The following BCAS3 variants were observed in gnomAD, a reference collection of about 807,000 sequenced individuals.
BCAS3 encodes the protein BCAS3 microtubule associated cell migration factor.
A neutral mutation model predicts 116.1 loss-of-function variants in BCAS3; 53 were observed. The ratio of observed to expected loss-of-function variants is 0.46; its 90% confidence interval spans 0.37 to 0.57. The LOEUF is 0.57. BCAS3 is among the 20% of genes least tolerant of loss of function. BCAS3 has a pLI of 0.00. For missense variants in BCAS3, 917 were observed against 1,165.4 expected, an observed-to-expected ratio of 0.79 and a Z score of 3.10; for synonymous variants, 391 against 408.2, an observed-to-expected ratio of 0.96 and a Z score of 0.51.
chr17:61,315,019 G>A lies in BCAS3; in HGVS notation c.2426-53308G>A, dbSNP rs1047495406. Among the ~76,000 whole-genome samples, 2 of 152,094 alleles carry A rather than the reference G, an allele frequency of 1.3e-5. No homozygotes were observed. Among genetic ancestry groups the A allele is most frequent in the Non-Finnish European group, 2.9e-5 (2 of 68,022 alleles). Reference sequence around the variant, plus strand: ...TGTTGGAACTCCTCTTCACCCATCCGAGGAACAGTGTGCCTGGAAAATGCC... The same window carrying A: ...TGTTGGAACTCCTCTTCACCCATCCAAGGAACAGTGTGCCTGGAAAATGCC... On this transcript the variant is annotated intron_variant, in intron 22 of 23. Transcript: ENST00000407086. This position sits in a 1 kb window ranked among gnomAD's most constrained non-coding sequence, Gnocchi z 5.3.
intron 22 of BCAS3, among the ~76,000 whole-genome samples, chr17:61,287,755 CCAA>C (rs1287563792): frequency 6.6e-6 from 1 of 151,946 alleles, no homozygotes; most frequent in Non-Finnish European, 1.5e-5. Flanking sequence ...AAAAAAAACA[CCAA>C]CAAGCCAAAA....
In BCAS3 at chr17:61,222,540, A is replaced by C. The variant is rs1411948846; in HGVS notation, c.2425+137976A>C. 2.6e-5 allele frequency among the ~76,000 whole-genome samples: 4 copies of C among 152,064 alleles called. No individual in the cohort carries two copies. The East Asian group carries it at 7.7e-4, about 29-fold the overall frequency. ...TGCCTGAGGTACAGATGTTTCGTGG[A>C]TCTCCCCTGGTACATTTTTCTGTGA... On this transcript the variant is annotated intron_variant, in intron 22 of 23. Coordinates refer to ENST00000407086, the MANE Select transcript of BCAS3 (RefSeq NM_017679.5). This position sits in a 1 kb window ranked among gnomAD's most constrained non-coding sequence, Gnocchi z 6.1.
intron 22 of BCAS3, among the ~76,000 whole-genome samples, chr17:61,342,442 A>G (rs2057228743): frequency 6.6e-6 from 1 of 152,202 alleles, no homozygotes; most frequent in African/African-American, 2.4e-5. Flanking sequence ...CACCGTGCCC[A>G]GCCTAGGGCC....
chr17:61,336,828 T>C (rs1019529397), intron 22 of BCAS3, among the ~76,000 whole-genome samples: 1 of 152,176 alleles, frequency 6.6e-6, no homozygotes, highest in African/African-American at 2.4e-5. Flanking sequence ...CTTTATCCTT[T>C]CTGGCCAGGC....
At chr17:61,049,730 C>CTTTTTTTTT (rs1027378849) in intron 19 of BCAS3, among the ~76,000 whole-genome samples, 17 of 120,818 alleles carry the variant, frequency 1.4e-4, no homozygotes, top group East Asian at 2.3e-4. Context: ...CTTTTCTTTT[C>CTTTTTTTTT]TTTTTTTTTT....
At position 61,080,794 on chromosome 17, in the gene BCAS3, C is replaced by T. The variant is rs551138124; in HGVS notation, c.2327+2265C>T. Among the ~76,000 whole-genome samples, 8 of 152,172 alleles carry T rather than the reference C, an allele frequency of 5.3e-5. No individual in the cohort carries two copies. In the South Asian group the frequency reaches 1.2e-3, roughly 24 times the overall value. On this transcript the variant is annotated intron_variant, in intron 21 of 23. Transcript: ENST00000407086. The stretch of plus-strand genomic sequence containing the variant: ...AACAAACCAACACACAAAAAAAGAA[C>T]GATTCATCAAGAAGAATGTATCTTC...
At chr17:60,871,369 T>C (rs529308375) in intron 8 of BCAS3, among the ~76,000 whole-genome samples, 1 of 152,202 alleles carries the variant, frequency 6.6e-6, no homozygotes, top group South Asian at 2.1e-4. Context: ...AAGGTCCCAC[T>C]GTGTTGTCCA....
chr17:61,350,418 A>AAATG lies in BCAS3; in HGVS notation c.2426-17906_2426-17905insGAAT, dbSNP rs768141430. On this transcript the variant is annotated intron_variant, in intron 22 of 23. Coordinates refer to ENST00000407086, the MANE Select transcript of BCAS3 (RefSeq NM_017679.5). The stretch of plus-strand genomic sequence containing the variant: ...CGACAGAGCGAGACTCTGTCTCAAT[A>AAATG]AATAAATAAATAAATAAATAAATAA... Among the ~76,000 whole-genome samples the AAATG allele has an allele frequency of 4.7e-3, 664 of 142,372 alleles. 6 individuals are homozygous for AAATG. The highest frequency in any genetic ancestry group is 7.1e-3 in the Middle Eastern group (2 of 280). 93.4% of individuals were successfully genotyped at this position (142,372 alleles called of 152,430 possible). A position where few individuals can be genotyped will look rare whatever the true frequency, so the allele number is the denominator to read the frequency against.
chr17:60,950,603 T>G (rs948774943), intron 14 of BCAS3, among the ~76,000 whole-genome samples: 2 of 152,252 alleles, frequency 1.3e-5, no homozygotes, highest in African/African-American at 4.8e-5. Flanking sequence ...CATATTGCCT[T>G]GTAACTAATT....
intron 3 of BCAS3, among the ~76,000 whole-genome samples, chr17:60,686,990 A>G (rs1037496909): frequency 2.0e-5 from 3 of 152,216 alleles, no homozygotes; most frequent in African/African-American, 7.2e-5. Context: ...ATAATTTGCT[A>G]TAAATAAAAA....
chr17:60,786,106 G>A (rs1029462603), intron 6 of BCAS3, among the ~76,000 whole-genome samples: 1 of 152,154 alleles, frequency 6.6e-6, no homozygotes, highest in Non-Finnish European at 1.5e-5. Context: ...GATACCAAGA[G>A]ACAACTGTTT....
Position 60,990,557 on chromosome 17 carries a change from A to C in BCAS3, c.1486+322A>C, listed in dbSNP as rs373414898. Among the ~76,000 whole-genome samples the C allele has an allele frequency of 6.6e-6, 1 of 152,064 alleles. No individual in the cohort carries two copies. The highest frequency in any genetic ancestry group is 2.4e-5 in the African/African-American group (1 of 41,406). The stretch of plus-strand genomic sequence containing the variant: ...TTACTTATCTCTTCCAGAACATTCT[A>C]TGTTCAATGGGACACTATAGTTTAT... On this transcript the variant is annotated intron_variant, in intron 15 of 23. Coordinates refer to ENST00000407086, the MANE Select transcript of BCAS3 (RefSeq NM_017679.5). The surrounding 1 kb of genome is among the most constrained non-coding windows in gnomAD (Gnocchi z 5.1).
intron 22 of BCAS3, among the ~76,000 whole-genome samples, chr17:61,206,375 T>G (rs748720462): frequency 6.6e-6 from 1 of 152,200 alleles, no homozygotes; most frequent in Non-Finnish European, 1.5e-5. Context: ...GTCACTTTCT[T>G]TATATTTTAA....
At position 60,874,663 on chromosome 17, in the gene BCAS3, A is replaced by G; in HGVS notation, c.586A>G (p.Ile196Val). Residue 196 changes from isoleucine to valine, a missense_variant and splice_region_variant, in exon 9 of 24, where the codon ATC (isoleucine) becomes GTC (valine). By Grantham distance (29) the Ile-to-Val change is conservative (BLOSUM62 3). This residue lies in a region of BCAS3 where 807 missense variants were observed against 1,026.0 expected (regional missense o/e 0.79). Transcript: ENST00000407086. ...PIYDLHCNKR[I>V]LVVVLQEKIA... ...TTTTTTTTCTCTCTCTAATTTTAGG[A>G]TCCTTGTCGTAGTCTTGCAGGAGAA... is the stretch of plus-strand genomic sequence containing the variant. The G allele has an allele frequency of 2.5e-6, 4 of 1,600,168 alleles. No homozygotes were observed. The highest frequency in any genetic ancestry group is 3.4e-6 in the Non-Finnish European group (4 of 1,171,290).
intron 19 of BCAS3, chr17:61,070,399 A>ATATATATATC: frequency 5.4e-6 from 1 of 186,454 alleles, no homozygotes. Flanking sequence ...ATATATATAT[A>ATATATATATC]TCTTTTCACC....
At chr17:61,334,664 C>CAAAAAA (rs35400660) in intron 22 of BCAS3, among the ~76,000 whole-genome samples, 50 of 50,774 alleles carry the variant, frequency 9.8e-4, no homozygotes, top group African/African-American at 1.9e-3. Context: ...AACTCCATCT[C>CAAAAAA]AAAAAAAAAA....
rs2058113578 is a variant in BCAS3 at position 61,355,946 on chromosome 17, C to G, written c.2426-12381C>G. Among the ~76,000 whole-genome samples, 1 of 152,210 alleles carries G rather than the reference C, an allele frequency of 6.6e-6. No homozygotes were observed. The highest frequency in any genetic ancestry group is 2.1e-4 in the South Asian group (1 of 4,832). ...TATCACAGCTCTATGTGTATGTTTTCTATCCACCTGAAGAAGCAGGCCAGA... is the reference window on the plus strand; with the variant it reads ...TATCACAGCTCTATGTGTATGTTTTGTATCCACCTGAAGAAGCAGGCCAGA... On this transcript the variant is annotated intron_variant, in intron 22 of 23. Coordinates refer to ENST00000407086, the MANE Select transcript of BCAS3 (RefSeq NM_017679.5). This position sits in a 1 kb window ranked among gnomAD's most constrained non-coding sequence, Gnocchi z 4.2.
At chr17:61,275,076 C>T (rs1320158271) in intron 22 of BCAS3, among the ~76,000 whole-genome samples, 1 of 151,678 alleles carries the variant, frequency 6.6e-6, no homozygotes, top group Non-Finnish European at 1.5e-5. Flanking sequence ...AGTCTCAACT[C>T]CTGGGCTCAA....
Position 61,313,528 on chromosome 17 carries a change from G to A in BCAS3, c.2426-54799G>A, listed in dbSNP as rs190251014. On this transcript the variant is annotated intron_variant, in intron 22 of 23. Transcript: ENST00000407086. This position sits in a 1 kb window ranked among gnomAD's most constrained non-coding sequence, Gnocchi z 4.3. ...ATTTTGTTACCAGAATAACCCCACA[G>A]GAGAGGCCTGGCTGAACGGGGATTT... Among the ~76,000 whole-genome samples, 649 of 152,310 alleles carry A rather than the reference G, an allele frequency of 4.3e-3. 9 individuals carry two copies. Among genetic ancestry groups the A allele is most frequent in the Non-Finnish European group, 1.7e-3 (114 of 68,030 alleles).
Sources: allele counts gnomAD v4.1 joint callset (sites outside exome capture counted in the v4.1 genomes callset), GRCh38; gene constraint gnomAD v4.1.1; regional missense constraint gnomAD v4.1.1; non-coding constraint Gnocchi (gnomAD v3.1); transcripts MANE v1.5; gene names NCBI Gene and HGNC (gene_info 2026-07-23, HGNC 2026-07-21).